The following GPHN variants were observed in gnomAD, a reference collection of about 807,000 sequenced individuals.
The protein encoded by GPHN is gephyrin.
A neutral mutation model predicts 95.5 loss-of-function variants in GPHN; 17 were observed. That is an observed-to-expected ratio of 0.18 (90% confidence interval 0.12 to 0.27). The LOEUF (loss-of-function observed/expected upper bound fraction) is 0.27, where lower values mean the gene tolerates loss of function less well. Ranked by LOEUF, GPHN falls within the 10% of genes least tolerant of loss-of-function variation. The probability of loss-of-function intolerance (pLI) is 1.00; values close to 1 mark genes in which losing one functional copy is unlikely to be tolerated. For missense variants in GPHN, 660 were observed against 978.1 expected (o/e 0.67, Z 4.34); for synonymous variants, 320 against 322.5 (o/e 0.99, Z 0.08).
chr14:67,642,178 G>C, the GPHN span: 2 of 1,612,486 alleles, frequency 1.2e-6, no homozygotes, highest in Non-Finnish European at 1.7e-6. Flanking sequence ...TCCCTCATTT[G>C]CTTCCAGGCT....
chr14:67,312,840 G>A, the GPHN span: 1 of 709,126 alleles, frequency 1.4e-6, no homozygotes, highest in Non-Finnish European at 2.1e-6. Context: ...CGTGTAGTTG[G>A]GTTTTTATGT....
the GPHN span, among the ~76,000 whole-genome samples, chr14:67,639,032 C>A: frequency 4.0e-5 from 6 of 150,380 alleles, no homozygotes; most frequent in South Asian, 6.2e-4. Context: ...GATGAACCCC[C>A]GACAGAAGTT....
At chr14:66,812,769 A>G (rs1053186489) in intron 3 of GPHN, among the ~76,000 whole-genome samples, 1 of 152,216 alleles carries the variant, frequency 6.6e-6, no homozygotes, top group Admixed American at 6.5e-5. Context: ...TTGGCTTTCA[A>G]ACCAACAAAA....
intron 9 of GPHN, among the ~76,000 whole-genome samples, chr14:67,004,691 AAAAG>A (rs1160136695): frequency 6.6e-6 from 1 of 151,820 alleles, no homozygotes; most frequent in Non-Finnish European, 1.5e-5. Flanking sequence ...AAGTCACAAA[AAAAG>A]AATTTGGTAA....
chr14:66,772,491 C>G (rs1419769072), intron 2 of GPHN, among the ~76,000 whole-genome samples: 8 of 152,004 alleles, frequency 5.3e-5, no homozygotes, highest in African/African-American at 1.9e-4. Context: ...TTGGTTGAGC[C>G]CAATATAATC....
the GPHN span, chr14:67,695,615 T>C: frequency 2.5e-6 from 4 of 1,606,426 alleles, no homozygotes; most frequent in Non-Finnish European, 3.4e-6. Flanking sequence ...GAGAAGGCAA[T>C]ACATTTGCAC....
At chr14:67,086,649 C>CG (rs1555487041) in intron 11 of GPHN, among the ~76,000 whole-genome samples, 8,618 of 84,598 alleles carry the variant, frequency 0.1, 366 homozygotes, top group Non-Finnish European at 0.14. Context: ...GACTCTGTCT[C>CG]AAAAAAAAAA....
chr14:66,876,560 G>T (rs1214448170), intron 4 of GPHN, among the ~76,000 whole-genome samples: 2 of 152,018 alleles, frequency 1.3e-5, no homozygotes, highest in Non-Finnish European at 2.9e-5. Context: ...ATGATAAATG[G>T]GATATCACAC....
chr14:67,222,105 C>T, the GPHN span: 5 of 318,492 alleles, frequency 1.6e-5, no homozygotes, highest in Admixed American at 2.4e-4. Flanking sequence ...AAGCATAAAC[C>T]ACGCCAAGCC....
the GPHN span, chr14:67,724,467 C>A: frequency 6.3e-7 from 1 of 1,590,514 alleles, no homozygotes; most frequent in Non-Finnish European, 8.6e-7. Flanking sequence ...TTTCCCTTGC[C>A]GATAGGAAGT....
the GPHN span, among the ~76,000 whole-genome samples, chr14:67,423,952 A>G: frequency 2.0e-5 from 3 of 152,220 alleles, no homozygotes; most frequent in Non-Finnish European, 4.4e-5. Context: ...AAAAGTAGGG[A>G]GGAGGCTGGG....
chr14:67,101,089 T>C (rs2077675048), intron 13 of GPHN, among the ~76,000 whole-genome samples, 178 bp downstream of exon 13: 1 of 152,214 alleles, frequency 6.6e-6, no homozygotes, highest in Non-Finnish European at 1.5e-5. Context: ...TAATTGAAAG[T>C]ATCTACATCT....
rs181605491 is a variant in GPHN, at chr14:66,981,468, T to A, written c.963+16143T>A. Among the ~76,000 whole-genome samples the A allele has an allele frequency of 6.8e-3, 1,016 of 150,464 alleles. 15 individuals carry two copies. The highest frequency in any genetic ancestry group is 0.023 in the African/African-American group (962 of 41,140). On this transcript the variant is annotated intron_variant, in intron 9 of 22. Transcript: ENST00000478722. ...AATGTTGAGCTCTTAAGCAAAACTT[T>A]AAAAAAAAAATCTCTTTCTCCAAAT... is the stretch of plus-strand genomic sequence containing the variant.
At chr14:66,944,493 G>A (rs1336775864) in intron 8 of GPHN, among the ~76,000 whole-genome samples, 1 of 152,154 alleles carries the variant, frequency 6.6e-6, no homozygotes, top group Non-Finnish European at 1.5e-5. Context: ...ACAGCTTAAG[G>A]CCAAAATAAC....
the GPHN span, chr14:67,652,434 TG>T: frequency 1.3e-4 from 24 of 185,450 alleles, no homozygotes; most frequent in African/African-American, 4.7e-4. Flanking sequence ...TTTCACTAAC[TG>T]AGAACCATGG....
chr14:67,674,996 G>C, the GPHN span, among the ~76,000 whole-genome samples: 1 of 152,188 alleles, frequency 6.6e-6, no homozygotes, highest in Non-Finnish European at 1.5e-5. Context: ...TTCAGCCCGC[G>C]CGGCGACAGC....
chr14:66,946,541 G>A (rs980836290), intron 8 of GPHN, among the ~76,000 whole-genome samples: 9 of 152,064 alleles, frequency 5.9e-5, no homozygotes, highest in African/African-American at 2.2e-4. Flanking sequence ...GAGTAGCTGG[G>A]ATTACAAGCA....
the GPHN span, among the ~76,000 whole-genome samples, chr14:67,623,225 A>G: frequency 6.6e-6 from 1 of 152,222 alleles, no homozygotes; most frequent in South Asian, 2.1e-4. Context: ...ATCTCCTGGA[A>G]TATATTGGAG....
chr14:66,996,885 G>A (rs977146968), intron 9 of GPHN, among the ~76,000 whole-genome samples: 7 of 151,280 alleles, frequency 4.6e-5, no homozygotes, highest in African/African-American at 1.7e-4. Flanking sequence ...TGTCTTTTAG[G>A]AGGTTTAATT....
Sources: gnomAD v4.1 joint callset for allele counts (sites outside exome capture counted in the v4.1 genomes callset) on GRCh38, gnomAD v4.1.1 for gene constraint, MANE v1.5 for transcripts, NCBI Gene and HGNC (gene_info 2026-07-23, HGNC 2026-07-21) for gene names.